The following TAF4B variants were observed in gnomAD, a reference collection of about 807,000 sequenced individuals.
The protein encoded by TAF4B is TATA-box binding protein associated factor 4b.
In TAF4B, 38 loss-of-function variants were observed where a neutral mutation model predicts 86.4. The ratio of observed to expected loss-of-function variants is 0.44; its 90% CI spans 0.34 to 0.58. The LOEUF (loss-of-function observed/expected upper bound fraction) is 0.58, where lower values mean the gene tolerates loss of function less well. TAF4B is among the 20% of genes least tolerant of loss of function. The probability of loss-of-function intolerance (pLI) is 0.02; values close to 1 mark genes in which losing one functional copy is unlikely to be tolerated. For synonymous variants in TAF4B, 388 were observed against 391.2 expected, an observed-to-expected ratio of 0.99 and a Z score of 0.10; for missense variants, 988 against 1,027.6, an observed-to-expected ratio of 0.96 and a Z score of 0.53.
intron 12 of TAF4B, among the ~76,000 whole-genome samples, chr18:26,332,896 C>T (rs1452179458): frequency 6.6e-6 from 1 of 152,082 alleles, no homozygotes; most frequent in African/African-American, 2.4e-5. Flanking sequence ...CAAGGCAACA[C>T]ATGATCTCCA....
At chr18:26,368,154 GT>G (rs894010250) in intron 14 of TAF4B, among the ~76,000 whole-genome samples, 5 of 152,068 alleles carry the variant, frequency 3.3e-5, no homozygotes, top group African/African-American at 9.6e-5. Flanking sequence ...TTTAGGGATA[GT>G]TTTTTTTATA....
intron 1 of TAF4B, among the ~76,000 whole-genome samples, chr18:26,258,974 C>A (rs912357947): frequency 2.6e-5 from 4 of 151,820 alleles, no homozygotes; most frequent in African/African-American, 9.7e-5. Flanking sequence ...GCTGGGATTA[C>A]AAGTCACTGT....
At chr18:26,385,695 C>CTT (rs1200373908) in intron 14 of TAF4B, among the ~76,000 whole-genome samples, 3 of 114,254 alleles carry the variant, frequency 2.6e-5, no homozygotes, top group Non-Finnish European at 5.2e-5. Context: ...TTTTTTTTTT[C>CTT]TTCTTCTTCT....
intron 11 of TAF4B, among the ~76,000 whole-genome samples, chr18:26,326,147 A>G (rs1440451003): frequency 6.6e-6 from 1 of 152,212 alleles, no homozygotes; most frequent in Non-Finnish European, 1.5e-5. Flanking sequence ...AACATTGATT[A>G]GAAAGCTCTC....
intron 9 of TAF4B, among the ~76,000 whole-genome samples, chr18:26,298,938 C>T (rs1413742355): frequency 1.4e-5 from 2 of 143,398 alleles, no homozygotes; most frequent in Non-Finnish European, 3.0e-5. Context: ...CTCAGCTCAC[C>T]GCAACCTCTG....
At chr18:26,330,189 C>G (rs1259252201) in intron 12 of TAF4B, among the ~76,000 whole-genome samples, 1 of 152,154 alleles carries the variant, frequency 6.6e-6, no homozygotes, top group East Asian at 1.9e-4. Context: ...CCCATGAACT[C>G]TCCTCGTTTT....
chr18:26,367,623 G>C (rs558131242), intron 14 of TAF4B, among the ~76,000 whole-genome samples: 1 of 152,296 alleles, frequency 6.6e-6, no homozygotes, highest in African/African-American at 2.4e-5. Context: ...TAGACACACA[G>C]AAACAATGTT....
At chr18:26,256,036 G>T in intron 1 of TAF4B, 1 of 1,266,708 alleles carries the variant, frequency 7.9e-7, no homozygotes. Flanking sequence ...GCAGTTTACT[G>T]ATATGGTTGC....
At chr18:26,374,723 CGAGTTT>C (rs2057431191) in intron 14 of TAF4B, among the ~76,000 whole-genome samples, 2 of 152,124 alleles carry the variant, frequency 1.3e-5, no homozygotes, top group South Asian at 4.2e-4. Context: ...TCCACAATAC[CGAGTTT>C]ACATGAAAAA....
intron 11 of TAF4B, among the ~76,000 whole-genome samples, chr18:26,325,966 A>T (rs1458061610): frequency 6.6e-6 from 1 of 152,214 alleles, no homozygotes; most frequent in Non-Finnish European, 1.5e-5. Context: ...CCTCAGTCAC[A>T]GTTAATTGAA....
intron 2 of TAF4B, chr18:26,267,274 A>T (rs989536442): frequency 5.8e-6 from 2 of 343,364 alleles, no homozygotes; most frequent in Non-Finnish European, 1.1e-5. Flanking sequence ...TTAGTTTGAA[A>T]TTTCAGATAA....
At chr18:26,254,076 C>T (rs1389007613) in intron 1 of TAF4B, among the ~76,000 whole-genome samples, 1 of 151,944 alleles carries the variant, frequency 6.6e-6, no homozygotes, top group East Asian at 1.9e-4. Context: ...CAGGCATGTG[C>T]CACCATGCCT....
chr18:26,376,212 T>C (rs2057441847), intron 14 of TAF4B, among the ~76,000 whole-genome samples: 1 of 147,028 alleles, frequency 6.8e-6, no homozygotes, highest in Non-Finnish European at 1.5e-5. Context: ...TAGGATCAGC[T>C]TGTTAATTTC....
chr18:26,315,713 A>G (rs1446775345), intron 10 of TAF4B, among the ~76,000 whole-genome samples: 1 of 151,990 alleles, frequency 6.6e-6, no homozygotes, highest in Non-Finnish European at 1.5e-5. Context: ...CTTTTGGCAT[A>G]TATATGTACA....
At chr18:26,389,012 A>T (rs183296383) in intron 14 of TAF4B, among the ~76,000 whole-genome samples, 1 of 152,064 alleles carries the variant, frequency 6.6e-6, no homozygotes, top group African/African-American at 2.4e-5. Context: ...GGGTTTCACC[A>T]TGTTGGCCAG....
intron 8 of TAF4B, among the ~76,000 whole-genome samples, chr18:26,292,755 T>G (rs910557790): frequency 6.6e-6 from 1 of 152,182 alleles, no homozygotes; most frequent in African/African-American, 2.4e-5. Flanking sequence ...ACTCCTGACC[T>G]CAAGTGGTCA....
chr18:26,237,821 G>C (rs1409278105), intron 1 of TAF4B, among the ~76,000 whole-genome samples: 1 of 152,092 alleles, frequency 6.6e-6, no homozygotes, highest in Non-Finnish European at 1.5e-5. Context: ...CCATAGTGCA[G>C]AAAAAATAAG....
At chr18:26,229,702 CA>C (rs984837209) in intron 1 of TAF4B, among the ~76,000 whole-genome samples, 10 of 152,016 alleles carry the variant, frequency 6.6e-5, no homozygotes, top group African/African-American at 1.9e-4. Context: ...GGGGTTTCAC[CA>C]TGTTGGCCAG....
intron 1 of TAF4B, among the ~76,000 whole-genome samples, chr18:26,246,714 G>T (rs765116105): frequency 9.2e-5 from 14 of 151,870 alleles, no homozygotes; most frequent in Non-Finnish European, 1.8e-4. Context: ...TTTATTTTTA[G>T]TAGAGATGGG....
Sources: allele counts gnomAD v4.1 joint callset (sites outside exome capture counted in the v4.1 genomes callset), GRCh38; gene constraint gnomAD v4.1.1; transcripts MANE v1.5; gene names NCBI Gene and HGNC (gene_info 2026-07-23, HGNC 2026-07-21).